The following PPARGC1A variants were observed in gnomAD, a reference collection of about 807,000 sequenced individuals.
PPARGC1A encodes PPARG coactivator 1 alpha.
PPARGC1A carries 25 observed loss-of-function variants against 88.7 expected under a neutral mutation model. That is an observed-to-expected ratio of 0.28 (90% confidence interval 0.21 to 0.39). The LOEUF (loss-of-function observed/expected upper bound fraction) is 0.39, where lower values mean the gene tolerates loss of function less well. Among genes scored for constraint, PPARGC1A ranks in the 10% least tolerant of loss-of-function variants. The pLI, the probability that PPARGC1A is intolerant of heterozygous loss-of-function variation, is 1.00. For missense variants in PPARGC1A, 880 were observed against 968.7 expected (o/e 0.91, Z 1.22); for synonymous variants, 363 against 355.6 (o/e 1.02, Z -0.24).
the PPARGC1A span, among the ~76,000 whole-genome samples, chr4:24,296,454 G>C: frequency 6.6e-6 from 1 of 152,034 alleles, no homozygotes; most frequent in African/African-American, 2.4e-5. Flanking sequence ...GTTGCTCTGA[G>C]GAGACAAAGA....
the PPARGC1A span, among the ~76,000 whole-genome samples, chr4:24,025,257 A>G: frequency 1.3e-5 from 2 of 152,318 alleles, no homozygotes; most frequent in South Asian, 4.1e-4. Context: ...GAGCATGAGG[A>G]AAGAGAAATA....
chr4:24,339,184 G>T, the PPARGC1A span, among the ~76,000 whole-genome samples: 894 of 134,742 alleles, frequency 6.6e-3, 20 homozygotes, highest in African/African-American at 0.024. Flanking sequence ...TGTCTTCAAG[G>T]TTCATCCATG....
chr4:24,404,412 T>C, the PPARGC1A span, among the ~76,000 whole-genome samples: 62 of 152,142 alleles, frequency 4.1e-4, no homozygotes, highest in Middle Eastern at 0.01. Context: ...CAGTGGCTAA[T>C]AAAGTAAAAA....
At chr4:24,176,871 A>C in the PPARGC1A span, among the ~76,000 whole-genome samples, 1 of 152,190 alleles carries the variant, frequency 6.6e-6, no homozygotes, top group East Asian at 1.9e-4. Flanking sequence ...TTCTGCACAG[A>C]AACCAGTTAA....
chr4:23,971,891 G>A, the PPARGC1A span, among the ~76,000 whole-genome samples: 2 of 151,986 alleles, frequency 1.3e-5, no homozygotes, highest in African/African-American at 4.8e-5. Context: ...TGTGTTTCAG[G>A]CATCTAACTT....
chr4:24,403,022 G>A, the PPARGC1A span, among the ~76,000 whole-genome samples: 1 of 152,226 alleles, frequency 6.6e-6, no homozygotes, highest in African/African-American at 2.4e-5. Context: ...CTGCTGTAAA[G>A]TAAAATTTGA....
chr4:24,412,008 C>T, the PPARGC1A span, among the ~76,000 whole-genome samples: 1 of 152,204 alleles, frequency 6.6e-6, no homozygotes, highest in African/African-American at 2.4e-5. Context: ...CATAAGTTTT[C>T]ATCTCCGTTT....
chr4:24,045,275 A>T, the PPARGC1A span, among the ~76,000 whole-genome samples: 2 of 152,326 alleles, frequency 1.3e-5, no homozygotes, highest in African/African-American at 2.4e-5. Flanking sequence ...ATATATTTTT[A>T]AAATCAGTGA....
the PPARGC1A span, among the ~76,000 whole-genome samples, chr4:24,437,269 G>C: frequency 6.6e-6 from 1 of 152,198 alleles, no homozygotes; most frequent in Non-Finnish European, 1.5e-5. Flanking sequence ...AGGTGAAGAG[G>C]CCACAGCTCT....
chr4:24,401,018 T>TTC, the PPARGC1A span, among the ~76,000 whole-genome samples: 108 of 134,378 alleles, frequency 8.0e-4, no homozygotes, highest in Middle Eastern at 3.6e-3. Context: ...GAATTTTCTT[T>TTC]TTTTTTTTTT....
At chr4:24,371,808 A>G in the PPARGC1A span, among the ~76,000 whole-genome samples, 1 of 149,852 alleles carries the variant, frequency 6.7e-6, no homozygotes, top group East Asian at 2.0e-4. Flanking sequence ...AAAATTGGGC[A>G]GGCATGGTGG....
At chr4:24,189,779 C>A in the PPARGC1A span, among the ~76,000 whole-genome samples, 1 of 152,132 alleles carries the variant, frequency 6.6e-6, no homozygotes, top group Admixed American at 6.5e-5. Context: ...TGGATTAAGT[C>A]GTGGATAGCC....
chr4:24,256,727 GGAT>G, the PPARGC1A span, among the ~76,000 whole-genome samples: 1 of 152,264 alleles, frequency 6.6e-6, no homozygotes, highest in East Asian at 1.9e-4. Flanking sequence ...CCTCACAGGG[GGAT>G]GTGGGCTTTG....
chr4:24,097,922 C>T, the PPARGC1A span, among the ~76,000 whole-genome samples: 20 of 152,158 alleles, frequency 1.3e-4, no homozygotes, highest in African/African-American at 4.6e-4. Context: ...TTGGCTCCCA[C>T]GTACTGACTT....
chr4:24,147,213 C>A, the PPARGC1A span, among the ~76,000 whole-genome samples: 1 of 152,294 alleles, frequency 6.6e-6, no homozygotes, highest in East Asian at 1.9e-4. Context: ...CCAGAGTAAA[C>A]TGGGCAGAGG....
the PPARGC1A span, among the ~76,000 whole-genome samples, chr4:24,451,843 T>A: frequency 2.0e-5 from 3 of 152,188 alleles, no homozygotes; most frequent in Admixed American, 6.5e-5. Flanking sequence ...CCCAAAGTGC[T>A]CGGATTACAG....
chr4:24,017,422 C>G, the PPARGC1A span, among the ~76,000 whole-genome samples: 2 of 151,926 alleles, frequency 1.3e-5, no homozygotes, highest in African/African-American at 4.8e-5. Flanking sequence ...AGCTAAGACT[C>G]CATGGCAGGG....
At chr4:23,901,974 C>G (rs1333001542), upstream of PPARGC1A, among the ~76,000 whole-genome samples, 2 of 152,096 alleles carry the variant, frequency 1.3e-5, no homozygotes, top group Admixed American at 1.3e-4. Flanking sequence ...GCAGTCGCCA[C>G]TAGCCACATA....
the PPARGC1A span, among the ~76,000 whole-genome samples, chr4:24,378,728 T>A: frequency 7.2e-5 from 11 of 152,208 alleles, no homozygotes; most frequent in African/African-American, 2.7e-4. Context: ...ACATAATAGC[T>A]TTCATCTTCA....
Sources: allele counts gnomAD v4.1 joint callset (sites outside exome capture counted in the v4.1 genomes callset), GRCh38; gene constraint gnomAD v4.1.1; transcripts MANE v1.5; gene names NCBI Gene and HGNC (gene_info 2026-07-23, HGNC 2026-07-21).